Variants in PLCB1 observed in about 807,000 individuals in gnomAD.
PLCB1 encodes the protein phospholipase C beta 1, also known as 1-phosphatidylinositol 4,5-bisphosphate phosphodiesterase beta-1.
Under a neutral mutation model 161.8 loss-of-function variants are expected in PLCB1, and 46 were observed. The ratio of observed to expected loss-of-function variants is 0.28; its 90% CI spans 0.22 to 0.36. The LOEUF is 0.36. Among genes scored for constraint, PLCB1 ranks in the 10% least tolerant of loss-of-function variants. PLCB1 has a pLI of 1.00. For missense variants in PLCB1, 1,016 were observed against 1,472.5 expected, an observed-to-expected ratio of 0.69 and a Z score of 5.07; for synonymous variants, 517 against 503.7, an observed-to-expected ratio of 1.03 and a Z score of -0.35.
rs956602858 is a variant in PLCB1 at position 8,132,346 on chromosome 20, C to G, written c.-306C>G. 2 of 234,706 alleles carry G rather than the reference C, an allele frequency of 8.5e-6. No homozygotes were observed. The highest frequency in any genetic ancestry group is 1.6e-5 in the Non-Finnish European group (2 of 122,408). 14.5% of individuals were successfully genotyped at this position (234,706 alleles called of 1,614,324 possible). On this transcript the variant is annotated 5_prime_UTR_variant, in exon 1 of 32. Transcript: ENST00000338037. This position sits in a 1 kb window ranked among gnomAD's most constrained non-coding sequence, Gnocchi z 5.2. ...GCGGCGGCGGAGGAGCAGAATCCGC[C>G]GCGACTGGCAGCCTCGGCTGACCGG...
intron 3 of PLCB1, among the ~76,000 whole-genome samples, chr20:8,475,327 T>C (rs967913467): frequency 6.6e-6 from 1 of 152,122 alleles, no homozygotes; most frequent in African/African-American, 2.4e-5. Context: ...GGTGCATGCC[T>C]GTAATCCCAG....
intron 3 of PLCB1, among the ~76,000 whole-genome samples, chr20:8,421,343 T>A (rs572936907): frequency 4.6e-5 from 7 of 152,332 alleles, no homozygotes; most frequent in African/African-American, 1.7e-4. Flanking sequence ...TGGGACTATT[T>A]TTTTTGTTTT....
At chr20:8,850,493 A>T (rs1268259255) in intron 31 of PLCB1, among the ~76,000 whole-genome samples, 2 of 152,224 alleles carry the variant, frequency 1.3e-5, no homozygotes, top group African/African-American at 4.8e-5. Context: ...TAACATCCGA[A>T]AAAATAGGAA....
intron 3 of PLCB1, among the ~76,000 whole-genome samples, chr20:8,509,685 A>G (rs1009710134): frequency 1.3e-5 from 2 of 152,118 alleles, no homozygotes; most frequent in Non-Finnish European, 2.9e-5. Context: ...AGATAGATGG[A>G]TAACAGGTAG....
At chr20:8,733,653 C>A (rs772382952) in intron 19 of PLCB1, among the ~76,000 whole-genome samples, 11 of 144,878 alleles carry the variant, frequency 7.6e-5, no homozygotes, top group Non-Finnish European at 1.5e-4. Context: ...GTGGGGGGAG[C>A]GGGGAGGGAT....
At chr20:8,718,113 G>T (rs1025479302) in intron 14 of PLCB1, among the ~76,000 whole-genome samples, 1 of 152,004 alleles carries the variant, frequency 6.6e-6, no homozygotes, top group Non-Finnish European at 1.5e-5. Flanking sequence ...CCAGCTACTC[G>T]GGAGGCTGAG....
intron 20 of PLCB1, among the ~76,000 whole-genome samples, chr20:8,738,300 C>A (rs1438255474): frequency 1.3e-5 from 2 of 152,144 alleles, no homozygotes; most frequent in Non-Finnish European, 2.9e-5. Context: ...ACAGTCCCAC[C>A]AACAGTGTAA....
intron 2 of PLCB1, among the ~76,000 whole-genome samples, chr20:8,248,370 A>C (rs1441523393): frequency 6.6e-6 from 1 of 151,850 alleles, no homozygotes; most frequent in Non-Finnish European, 1.5e-5. Flanking sequence ...TTTCTGAAGA[A>C]GGCTGCTACA....
At chr20:8,874,063 A>G (rs1987694484) in intron 31 of PLCB1, among the ~76,000 whole-genome samples, 1 of 152,060 alleles carries the variant, frequency 6.6e-6, no homozygotes, top group Admixed American at 6.6e-5. Flanking sequence ...ATTAAATTTC[A>G]AATGTTCTCA....
intron 3 of PLCB1, among the ~76,000 whole-genome samples, chr20:8,518,863 G>A (rs549373666): frequency 1.0e-3 from 153 of 151,986 alleles, no homozygotes; most frequent in Non-Finnish European, 1.5e-3. Flanking sequence ...TGGGGGTGAT[G>A]GAAGACAGTG....
intron 12 of PLCB1, 193 bp from the exon 13 acceptor site, chr20:8,716,071 C>A (rs1393371549): frequency 5.2e-6 from 3 of 578,760 alleles, no homozygotes; most frequent in Non-Finnish European, 9.3e-6. Context: ...CACATCAGTG[C>A]CTTCGCTGTC....
intron 3 of PLCB1, among the ~76,000 whole-genome samples, chr20:8,421,809 G>A (rs938816618): frequency 4.6e-5 from 7 of 152,168 alleles, no homozygotes; most frequent in Non-Finnish European, 7.3e-5. Context: ...CCAGTTCTCA[G>A]GTCCAGTCTT....
chr20:8,214,067 G>C (rs1198159815), intron 2 of PLCB1, among the ~76,000 whole-genome samples: 1 of 152,058 alleles, frequency 6.6e-6, no homozygotes, highest in African/African-American at 2.4e-5. Flanking sequence ...TGACTAAAAA[G>C]CAAAAGCGAA....
chr20:8,338,319 C>T (rs914204800), intron 2 of PLCB1, among the ~76,000 whole-genome samples: 4 of 151,940 alleles, frequency 2.6e-5, no homozygotes, highest in Non-Finnish European at 5.9e-5. Context: ...GAATATATTC[C>T]GCCAGTGGAA....
intron 2 of PLCB1, among the ~76,000 whole-genome samples, chr20:8,319,034 T>C (rs1318104065): frequency 2.0e-5 from 3 of 152,162 alleles, no homozygotes; most frequent in Non-Finnish European, 4.4e-5. Context: ...TTATACCTAC[T>C]CAACTTATCT....
At chr20:8,257,460 T>C (rs935688155) in intron 2 of PLCB1, among the ~76,000 whole-genome samples, 4 of 152,172 alleles carry the variant, frequency 2.6e-5, no homozygotes, top group African/African-American at 9.7e-5. Flanking sequence ...TAGTCTAATA[T>C]AATGAGAGAG....
intron 3 of PLCB1, among the ~76,000 whole-genome samples, chr20:8,431,251 T>C (rs1401980970): frequency 6.6e-6 from 1 of 152,148 alleles, no homozygotes; most frequent in East Asian, 1.9e-4. Flanking sequence ...ATAAAACCTC[T>C]AAAATTAACA....
At chr20:8,292,919 C>T (rs750159887) in intron 2 of PLCB1, among the ~76,000 whole-genome samples, 2 of 152,132 alleles carry the variant, frequency 1.3e-5, no homozygotes, top group South Asian at 2.1e-4. Context: ...GTACCCAGAA[C>T]GTAGCACATA....
intron 2 of PLCB1, among the ~76,000 whole-genome samples, chr20:8,275,793 T>C (rs538357182): frequency 8.5e-5 from 13 of 152,314 alleles, no homozygotes; most frequent in Non-Finnish European, 1.6e-4. Flanking sequence ...GGGGGAGCTG[T>C]CTAGAGGGTA....
Sources: allele counts gnomAD v4.1 joint callset (sites outside exome capture counted in the v4.1 genomes callset), GRCh38; gene constraint gnomAD v4.1.1; non-coding constraint Gnocchi (gnomAD v3.1); transcripts MANE v1.5; gene names NCBI Gene and HGNC (gene_info 2026-07-23, HGNC 2026-07-21).